KIF6: variants seen among roughly 807,000 people sequenced by gnomAD.
KIF6 encodes the protein kinesin-like protein KIF6.
A neutral mutation model predicts 112.7 loss-of-function variants in KIF6; 106 were observed. The observed-to-expected ratio is 0.94, with a 90% CI of 0.80 to 1.11. The LOEUF (loss-of-function observed/expected upper bound fraction) is 1.11. Among genes scored for constraint, KIF6 ranks in the 50% least tolerant of loss-of-function variants. The pLI, the probability that KIF6 is intolerant of heterozygous loss-of-function variation, is 0.00. For missense variants in KIF6, 929 were observed against 964.0 expected, an observed-to-expected ratio of 0.96 and a Z score of 0.48; for synonymous variants, 339 against 339.9, an observed-to-expected ratio of 1.00 and a Z score of 0.03.
At position 39,342,036 on chromosome 6, in the gene KIF6, G is replaced by T. The variant is rs1763349471; in HGVS notation, c.2428+1673C>A. ...AATAAAATCCAAATCTCTTTCCCCT[G>T]TGCATAAGGCTGGTGTGACTTGGCC... On this transcript the variant is annotated intron_variant, in intron 22 of 22. Transcript: ENST00000287152. This position sits in a 1 kb window ranked among gnomAD's most constrained non-coding sequence, Gnocchi z 4.7. 1.3e-5 allele frequency among the ~76,000 whole-genome samples: 2 copies of T among 152,158 alleles called. No homozygotes were observed. Among genetic ancestry groups the T allele is most frequent in the South Asian group, 4.1e-4 (2 of 4,826 alleles).
chr6:39,672,378 A>T (rs1786872835), intron 3 of KIF6, among the ~76,000 whole-genome samples: 1 of 152,200 alleles, frequency 6.6e-6, no homozygotes. Flanking sequence ...CATATCAATG[A>T]CTTTGAGGAC....
chr6:39,519,130 T>C (rs982501691), intron 13 of KIF6, among the ~76,000 whole-genome samples: 14 of 152,066 alleles, frequency 9.2e-5, no homozygotes, highest in Admixed American at 7.9e-4. Context: ...CAAGTTGGAG[T>C]GGGGGGTACC....
chr6:39,577,505 A>T (rs1443471168), intron 10 of KIF6, among the ~76,000 whole-genome samples: 1 of 152,212 alleles, frequency 6.6e-6, no homozygotes, highest in African/African-American at 2.4e-5. Context: ...ACATTGCACC[A>T]CTGATATGCC....
intron 12 of KIF6, among the ~76,000 whole-genome samples, chr6:39,542,526 C>A (rs1335147544): frequency 6.6e-6 from 1 of 152,112 alleles, no homozygotes; most frequent in African/African-American, 2.4e-5. Context: ...CATATCTTTC[C>A]CATTTGTTGT....
chr6:39,492,354 G>A (rs1775525973), intron 13 of KIF6, among the ~76,000 whole-genome samples: 1 of 152,208 alleles, frequency 6.6e-6, no homozygotes, highest in South Asian at 2.1e-4. Context: ...TAAGGATATT[G>A]TATCAGTTTG....
chr6:39,582,712 G>T (rs560577695), intron 9 of KIF6, among the ~76,000 whole-genome samples: 1 of 152,196 alleles, frequency 6.6e-6, no homozygotes, highest in Non-Finnish European at 1.5e-5. Flanking sequence ...ACCGTGCCTG[G>T]CCTGAGGTAC....
chr6:39,558,865 T>C (rs925252751), intron 10 of KIF6, among the ~76,000 whole-genome samples: 4 of 152,100 alleles, frequency 2.6e-5, no homozygotes, highest in African/African-American at 4.8e-5. Flanking sequence ...TAATTAAACT[T>C]TAGGAGACTA....
At chr6:39,364,833 C>A (rs1019365573) in intron 16 of KIF6, among the ~76,000 whole-genome samples, 28 of 151,296 alleles carry the variant, frequency 1.9e-4, no homozygotes, top group African/African-American at 6.1e-4. Context: ...GGGATGTGAA[C>A]CCATTTGTTT....
At chr6:39,513,993 T>C (rs1054528823) in intron 13 of KIF6, among the ~76,000 whole-genome samples, 12 of 150,208 alleles carry the variant, frequency 8.0e-5, no homozygotes, top group African/African-American at 3.0e-4. Context: ...TAAAGTGTTA[T>C]AGAGATGTAT....
At chr6:39,582,014 G>A (rs1211850542) in intron 9 of KIF6, among the ~76,000 whole-genome samples, 1 of 152,196 alleles carries the variant, frequency 6.6e-6, no homozygotes, top group Non-Finnish European at 1.5e-5. Context: ...ATCGGATCAT[G>A]TGGGTTTTGT....
chr6:39,478,645 A>G (rs909950499), intron 13 of KIF6, among the ~76,000 whole-genome samples: 1 of 149,950 alleles, frequency 6.7e-6, no homozygotes, highest in African/African-American at 2.5e-5. Flanking sequence ...TCTAGTTTAC[A>G]TTCCCACTAG....
chr6:39,584,007 C>T (rs988674599), intron 9 of KIF6, among the ~76,000 whole-genome samples: 1 of 151,948 alleles, frequency 6.6e-6, no homozygotes, highest in Non-Finnish European at 1.5e-5. Context: ...AGAAGTTTGA[C>T]AGATCAAGCC....
At chr6:39,648,549 C>G (rs1376378668) in intron 3 of KIF6, among the ~76,000 whole-genome samples, 2 of 152,162 alleles carry the variant, frequency 1.3e-5, no homozygotes. Context: ...GTAAAACTTG[C>G]CTACAGGAAT....
chr6:39,382,951 G>T (rs909815576), intron 16 of KIF6, among the ~76,000 whole-genome samples: 7 of 111,234 alleles, frequency 6.3e-5, no homozygotes, highest in African/African-American at 3.5e-4. Flanking sequence ...ATGTTTTTTG[G>T]CCACTTGTAT....
chr6:39,369,637 G>T (rs1765817534), intron 16 of KIF6, among the ~76,000 whole-genome samples: 2 of 152,154 alleles, frequency 1.3e-5, no homozygotes, highest in Non-Finnish European at 2.9e-5. Context: ...CTTCAGATCT[G>T]CTCCTTCTCA....
At chr6:39,540,590 G>A (rs770341126) in intron 12 of KIF6, among the ~76,000 whole-genome samples, 2 of 152,264 alleles carry the variant, frequency 1.3e-5, no homozygotes, top group African/African-American at 2.4e-5. Context: ...CATAGCCCAT[G>A]TATATGTATC....
chr6:39,430,780 A>G (rs935708560), intron 14 of KIF6, among the ~76,000 whole-genome samples: 7 of 152,214 alleles, frequency 4.6e-5, no homozygotes, highest in Non-Finnish European at 7.3e-5. Flanking sequence ...GATGAGAATG[A>G]ATGTATGATG....
intron 10 of KIF6, among the ~76,000 whole-genome samples, chr6:39,576,646 C>T (rs1780990854): frequency 6.6e-6 from 1 of 152,134 alleles, no homozygotes; most frequent in African/African-American, 2.4e-5. Flanking sequence ...GCGGCTGTCA[C>T]ACAGCACTCA....
At chr6:39,489,947 C>T (rs573945770) in intron 13 of KIF6, among the ~76,000 whole-genome samples, 7 of 152,264 alleles carry the variant, frequency 4.6e-5, no homozygotes, top group African/African-American at 1.7e-4. Context: ...TCTTCTTATC[C>T]TCTGGCTAAA....
Sources: gnomAD v4.1 joint callset for allele counts (sites outside exome capture counted in the v4.1 genomes callset) on GRCh38, gnomAD v4.1.1 for gene constraint, Gnocchi (gnomAD v3.1) non-coding constraint, MANE v1.5 for transcripts, NCBI Gene and HGNC (gene_info 2026-07-23, HGNC 2026-07-21) for gene names.